Variants in DHRS12 observed in about 807,000 individuals in gnomAD.
DHRS12 encodes the protein dehydrogenase/reductase 12.
In DHRS12, 29 loss-of-function variants were observed where a neutral mutation model predicts 32.1. That is an observed-to-expected ratio of 0.90 (90% CI 0.67 to 1.23). The LOEUF (loss-of-function observed/expected upper bound fraction) is 1.23, where lower values mean the gene tolerates loss of function less well. DHRS12 is among the 50% of genes most tolerant of loss of function. The pLI is 0.00. For synonymous variants in DHRS12, 150 were observed against 135.9 expected, an observed-to-expected ratio of 1.10 and a Z score of -0.72; for missense variants, 330 against 337.2, an observed-to-expected ratio of 0.98 and a Z score of 0.17.
intron 4 of DHRS12, among the ~76,000 whole-genome samples, chr13:51,786,838 A>G (rs1448354110): frequency 6.6e-6 from 1 of 152,224 alleles, no homozygotes; most frequent in Non-Finnish European, 1.5e-5. Flanking sequence ...TGTTTCTGAC[A>G]GCTCATGTGA....
chr13:51,800,804 G>T (rs998496322), intron 1 of DHRS12, among the ~76,000 whole-genome samples: 5 of 152,242 alleles, frequency 3.3e-5, no homozygotes, highest in African/African-American at 1.2e-4. Flanking sequence ...CAAGCCAGAT[G>T]TTCTTAAGAG....
At chr13:51,776,141 T>TGTATTCTACA (rs1206327787) in intron 5 of DHRS12, 2 of 97,166 alleles carry the variant, frequency 2.1e-5, no homozygotes, top group East Asian at 2.9e-4. Context: ...TTCTCCTACA[T>TGTATTCTACA]GTATTCTCCT....
At chr13:51,792,328 T>C (rs1955312632) in intron 2 of DHRS12, among the ~76,000 whole-genome samples, 1 of 152,192 alleles carries the variant, frequency 6.6e-6, no homozygotes, top group African/African-American at 2.4e-5. Flanking sequence ...CTAGTTTTGA[T>C]TTGCATTTCC....
chr13:51,793,964 GA>G (rs1248829953), intron 2 of DHRS12, among the ~76,000 whole-genome samples: 7 of 152,244 alleles, frequency 4.6e-5, no homozygotes, highest in African/African-American at 1.7e-4. Flanking sequence ...AGGGAAGAGA[GA>G]ATCACTGTCC....
chr13:51,767,505 A>G (rs1953786739), downstream of DHRS12: 1 of 152,218 alleles, frequency 6.6e-6, no homozygotes, highest in African/African-American at 2.4e-5. Context: ...TTATTCCACC[A>G]TGGACACCAA....
intron 8 of DHRS12, chr13:51,768,624 C>G (rs1953862909): frequency 8.5e-7 from 1 of 1,170,928 alleles, no homozygotes; most frequent in Non-Finnish European, 1.1e-6. Context: ...TGGTTCTCAT[C>G]AAGAACAGAG....
chr13:51,791,271 CAAAAA>C lies in DHRS12; in HGVS notation c.127-19_127-15del. 1.1e-6 allele frequency: 1 copy of C among 906,974 alleles called. No individual in the cohort carries two copies. Among genetic ancestry groups the C allele is most frequent in the Non-Finnish European group, 1.5e-6 (1 of 665,160 alleles). 56.2% of individuals were successfully genotyped at this position (906,974 alleles called of 1,614,324 possible). Reference sequence around the variant, plus strand: ...CAGAAAAATGTTCTAAATTAGAAAGCAAAAAAAAAAAAAACCCTTTTTAAAAAGAT... The same window carrying C: ...CAGAAAAATGTTCTAAATTAGAAAGCAAAAAAAAACCCTTTTTAAAAAGAT... On this transcript the variant is annotated splice_polypyrimidine_tract_variant and intron_variant, in intron 2 of 8. Transcript: ENST00000444610.
intron 1 of DHRS12, among the ~76,000 whole-genome samples, chr13:51,802,586 T>A (rs1165577178): frequency 1.3e-5 from 2 of 152,178 alleles, no homozygotes; most frequent in African/African-American, 2.4e-5. Flanking sequence ...CCCAGGGAAT[T>A]ATTAGGTTCA....
rs1954187417 is a variant in DHRS12, at chr13:51,774,096, C to G, written c.364-62G>C. On this transcript the variant is annotated intron_variant, in intron 5 of 8. Coordinates refer to ENST00000444610, the MANE Select transcript of DHRS12 (RefSeq NM_001377533.1). ...CTGTGACCCCTTCCACTCTTCACCCCCTGTAGAGCAGTGCTTCTTGCTGTT... is the reference window on the plus strand; with the variant it reads ...CTGTGACCCCTTCCACTCTTCACCCGCTGTAGAGCAGTGCTTCTTGCTGTT... 2.7e-6 allele frequency: 4 copies of G among 1,485,638 alleles called. No individual in the cohort carries two copies. The East Asian group carries it at 6.9e-5, about 25-fold the overall frequency. 92.0% of individuals were successfully genotyped at this position (1,485,638 alleles called of 1,614,324 possible).
rs969088443 is a variant in DHRS12, at chr13:51,782,288, G to A, written c.302-5167C>T. 6.6e-6 allele frequency among the ~76,000 whole-genome samples: 1 copy of A among 152,110 alleles called. No homozygotes were observed. The highest frequency in any genetic ancestry group is 6.5e-5 in the Admixed American group (1 of 15,282). On this transcript the variant is annotated intron_variant, in intron 4 of 8. Coordinates refer to ENST00000444610, the MANE Select transcript of DHRS12 (RefSeq NM_001377533.1). The surrounding 1 kb of genome is among the most constrained non-coding windows in gnomAD (Gnocchi z 4.2). ...GGCAAGGATGAGATCCCAACAGAGAGTGTGGGAGGAGAAAGGAGGGCACAG... is the reference window on the plus strand; with the variant it reads ...GGCAAGGATGAGATCCCAACAGAGAATGTGGGAGGAGAAAGGAGGGCACAG...
chr13:51,769,321 A>G (rs1197798967), intron 7 of DHRS12, 28 bp from the exon 8 acceptor site: 1 of 1,467,058 alleles, frequency 6.8e-7, no homozygotes, highest in Non-Finnish European at 9.0e-7. Flanking sequence ...CAGGCGGATT[A>G]GGACAGCATT....
At chr13:51,773,697 C>T (rs1290321568) in intron 6 of DHRS12, among the ~76,000 whole-genome samples, 3 of 152,012 alleles carry the variant, frequency 2.0e-5, no homozygotes, top group South Asian at 2.1e-4. Flanking sequence ...TGAGAAACAC[C>T]GAGAGGAGAC....
downstream of DHRS12, chr13:51,767,876 C>G: frequency 1.7e-6 from 1 of 582,976 alleles, no homozygotes; most frequent in Non-Finnish European, 2.3e-6. Flanking sequence ...ATTCCTGCTG[C>G]CCCCACCCCT....
intron 4 of DHRS12, among the ~76,000 whole-genome samples, chr13:51,779,696 A>C (rs1954612684): frequency 6.6e-6 from 1 of 152,136 alleles, no homozygotes; most frequent in Non-Finnish European, 1.5e-5. Flanking sequence ...GGCCCTCCCA[A>C]AGCCCAGCTG....
rs1257656642 is a variant in DHRS12, at chr13:51,768,043, G to T, written c.*144C>A. On this transcript the variant is annotated 3_prime_UTR_variant, in exon 9 of 9. Coordinates refer to ENST00000444610, the MANE Select transcript of DHRS12 (RefSeq NM_001377533.1). Reference sequence around the variant, plus strand: ...CGGTAGTATTTATTTTGAAATAAAAGTTCCCATCCCTTGTAGGCCTCGCTG... The same window carrying T: ...CGGTAGTATTTATTTTGAAATAAAATTTCCCATCCCTTGTAGGCCTCGCTG... 3.3e-5 allele frequency: 47 copies of T among 1,434,964 alleles called. No individual in the cohort carries two copies. Among genetic ancestry groups the T allele is most frequent in the Non-Finnish European group, 4.2e-5 (46 of 1,098,782 alleles). 88.9% of individuals were successfully genotyped at this position (1,434,964 alleles called of 1,614,324 possible). A position where few individuals can be genotyped will look rare whatever the true frequency, so the allele number is the denominator to read the frequency against.
chr13:51,755,395 GTGA>G, the DHRS12 span: 1 of 1,614,214 alleles, frequency 6.2e-7, no homozygotes, highest in Non-Finnish European at 8.5e-7. Context: ...TGCCAAAAGT[GTGA>G]TCAGCCTTTC....
intron 5 of DHRS12, chr13:51,776,146 TCTC>T (rs1216273736): frequency 1.6e-5 from 2 of 125,986 alleles, no homozygotes; most frequent in African/African-American, 3.3e-5. Context: ...CTACATGTAT[TCTC>T]CTACATGTAT....
intron 2 of DHRS12, chr13:51,797,717 C>T: frequency 8.6e-7 from 1 of 1,158,580 alleles, no homozygotes; most frequent in South Asian, 1.5e-5. Flanking sequence ...AAAGCAGAAG[C>T]ACAAACACAG....
chr13:51,759,599 T>C, the DHRS12 span: 6 of 630,858 alleles, frequency 9.5e-6, no homozygotes, highest in Non-Finnish European at 1.6e-5. Context: ...GAAAAAAATA[T>C]TTTACAGATT....
Sources: gnomAD v4.1 joint callset for allele counts (sites outside exome capture counted in the v4.1 genomes callset) on GRCh38, gnomAD v4.1.1 for gene constraint, Gnocchi (gnomAD v3.1) non-coding constraint, MANE v1.5 for transcripts, NCBI Gene and HGNC (gene_info 2026-07-23, HGNC 2026-07-21) for gene names.